The following ZW10 variants were observed in gnomAD, a reference collection of about 807,000 sequenced individuals.
ZW10 encodes zw10 kinetochore protein, also known as centromere/kinetochore protein zw10 homolog.
A neutral mutation model predicts 87.8 loss-of-function variants in ZW10; 53 were observed. The observed-to-expected ratio is 0.60, with a 90% CI of 0.48 to 0.76. ZW10 has a LOEUF of 0.76. ZW10 is among the 30% of genes least tolerant of loss of function. ZW10 has a pLI of 0.00. For synonymous variants in ZW10, 312 were observed against 329.2 expected (o/e 0.95, Z 0.57); for missense variants, 837 against 923.0 (o/e 0.91, Z 1.21).
Position 113,747,575 on chromosome 11 carries a change from C to T in ZW10, c.1228G>A (p.Ala410Thr), listed in dbSNP as rs879576381. The change falls in exon 9 of 16, where the codon GCA becomes ACA. Residue 410 changes from alanine to threonine, a missense_variant. Physicochemically the swap from Ala to Thr is moderately conservative, Grantham distance 58. Coordinates refer to ENST00000200135, the MANE Select transcript of ZW10 (RefSeq NM_004724.4). Reference sequence around the variant, plus strand: ...TCTGAGGTCATTAGATTTCTGGCTGCCACAATCACATCCTGGCACTTTTTG... The same window carrying T: ...TCTGAGGTCATTAGATTTCTGGCTGTCACAATCACATCCTGGCACTTTTTG... ...ANKKCQDVIVAARNLMTSEIH... is the reference protein window; with the variant it reads ...ANKKCQDVIVTARNLMTSEIH... The T allele has an allele frequency of 4.3e-6, 7 of 1,613,560 alleles. No individual in the cohort carries two copies. Among genetic ancestry groups the T allele is most frequent in the Non-Finnish European group, 5.9e-6 (7 of 1,179,670 alleles).
Position 113,762,770 on chromosome 11 carries a change from A to C in ZW10, c.241-1852T>G, listed in dbSNP as rs1298277715. 5.9e-5 allele frequency among the ~76,000 whole-genome samples: 9 copies of C among 152,220 alleles called. No homozygotes were observed. The South Asian group carries it at 1.9e-3, about 32-fold the overall frequency. ...TGACCTCAAGTGATCTGCCTGCCTC[A>C]GCCTCCCAAAGTGCTGGGATTACAG... is the stretch of plus-strand genomic sequence containing the variant. On this transcript the variant is annotated intron_variant, in intron 2 of 15. Coordinates refer to ENST00000200135, the MANE Select transcript of ZW10 (RefSeq NM_004724.4).
chr11:113,751,602 G>A (rs773726899), intron 7 of ZW10, among the ~76,000 whole-genome samples: 5 of 152,168 alleles, frequency 3.3e-5, no homozygotes, highest in South Asian at 4.1e-4. Flanking sequence ...CTGGCTGGGC[G>A]CAGTGGCTCA....
At chr11:113,736,460 C>T (rs1465850388) in intron 15 of ZW10, among the ~76,000 whole-genome samples, 160 bp downstream of exon 15, 3 of 152,130 alleles carry the variant, frequency 2.0e-5, no homozygotes, top group Non-Finnish European at 4.4e-5. Flanking sequence ...ATGAGATCTG[C>T]ATTATGATAG....
intron 2 of ZW10, among the ~76,000 whole-genome samples, chr11:113,766,023 G>GTT (rs1453401708): frequency 6.6e-6 from 1 of 152,204 alleles, no homozygotes; most frequent in African/African-American, 2.4e-5. Context: ...GGCTACTGCT[G>GTT]TAAGTAATAA....
chr11:113,737,730 G>T (rs1001198413), intron 13 of ZW10, 27 bp from the exon 14 acceptor site: 6 of 1,561,466 alleles, frequency 3.8e-6, no homozygotes, highest in Non-Finnish European at 5.2e-6. Context: ...CTATTTACGT[G>T]GAAGAAAGAT....
intron 5 of ZW10, among the ~76,000 whole-genome samples, chr11:113,759,409 C>T (rs1001126796): frequency 2.0e-5 from 3 of 152,096 alleles, no homozygotes; most frequent in African/African-American, 7.2e-5. Flanking sequence ...ACATATGTGT[C>T]TATGTACACA....
chr11:113,735,275 C>T (rs1406110414), intron 15 of ZW10, among the ~76,000 whole-genome samples: 1 of 152,144 alleles, frequency 6.6e-6, no homozygotes, highest in Non-Finnish European at 1.5e-5. Flanking sequence ...AATGATCATT[C>T]TTAGACTGCA....
chr11:113,743,754 T>A (rs755901945), intron 10 of ZW10, 48 bp downstream of exon 10: 10 of 1,370,618 alleles, frequency 7.3e-6, no homozygotes, highest in African/African-American at 1.4e-5. Flanking sequence ...TAGTTAGATA[T>A]GCATTTAACC....
chr11:113,757,835 T>C lies in ZW10; in HGVS notation c.752A>G (p.Tyr251Cys). ...LKSFGQMLLK[Y>C]ILRPLASCPS... ...GCAAGATGCCAGCGGCCTAAGGATA[T>C]ACTTCAGCAGCATCTGACCTGAAAA... The change falls in exon 7 of 16, where the codon TAT becomes TGT. Residue 251 changes from tyrosine (Y) to cysteine (C), a missense_variant. Transcript: ENST00000200135. 6.2e-7 allele frequency: 1 copy of C among 1,604,020 alleles called. No individual in the cohort carries two copies. The highest frequency in any genetic ancestry group is 2.2e-5 in the East Asian group (1 of 44,592).
intron 7 of ZW10, among the ~76,000 whole-genome samples, chr11:113,751,522 C>T (rs1953734168): frequency 6.6e-6 from 1 of 152,042 alleles, no homozygotes; most frequent in Non-Finnish European, 1.5e-5. Flanking sequence ...ATTTTTATTA[C>T]AATGAATAGT....
At position 113,759,598 on chromosome 11, in the gene ZW10, A is replaced by G. The variant is rs1953835171; in HGVS notation, c.580+611T>C. Among the ~76,000 whole-genome samples, 4 of 152,170 alleles carry G rather than the reference A, an allele frequency of 2.6e-5. No homozygotes were observed. In the South Asian group the frequency reaches 8.3e-4, roughly 32 times the overall value. ...TACTCTCAGGGCAAACAACACACCA[A>G]AGAGGGCTCATACCCAGAGGTAGGC... is the stretch of plus-strand genomic sequence containing the variant. On this transcript the variant is annotated intron_variant, in intron 5 of 15. Transcript: ENST00000200135.
chr11:113,759,151 G>A (rs1953831298), intron 5 of ZW10, among the ~76,000 whole-genome samples: 1 of 152,070 alleles, frequency 6.6e-6, no homozygotes, highest in Non-Finnish European at 1.5e-5. Context: ...AACTATGATT[G>A]AGCTACTGCA....
chr11:113,753,722 T>A (rs897505492), intron 7 of ZW10, among the ~76,000 whole-genome samples: 1 of 152,170 alleles, frequency 6.6e-6, no homozygotes, highest in Non-Finnish European at 1.5e-5. Flanking sequence ...GGAGAAAGTT[T>A]GAGTGGTCTG....
intron 10 of ZW10, among the ~76,000 whole-genome samples, chr11:113,742,302 G>T (rs1184167657): frequency 6.6e-6 from 1 of 152,080 alleles, no homozygotes; most frequent in African/African-American, 2.4e-5. Context: ...AACACCTACA[G>T]ATTATTATTA....
At chr11:113,766,520 A>T (rs1346602770) in intron 2 of ZW10, among the ~76,000 whole-genome samples, 3 of 151,180 alleles carry the variant, frequency 2.0e-5, no homozygotes, top group African/African-American at 4.9e-5. Context: ...AAATATTTTT[A>T]AAAATTAGCC....
chr11:113,734,869 G>C (rs899621611), intron 15 of ZW10, among the ~76,000 whole-genome samples: 1 of 151,860 alleles, frequency 6.6e-6, no homozygotes, highest in African/African-American at 2.4e-5. Context: ...GCAAGTTACA[G>C]ATGATTCTAC....
intron 9 of ZW10, among the ~76,000 whole-genome samples, chr11:113,746,495 C>CAAAAAAAAAAAAAAAAAAACAAA (rs1953677667): frequency 4.7e-5 from 5 of 105,340 alleles, no homozygotes; most frequent in African/African-American, 1.2e-4. Flanking sequence ...ACAAAACAGT[C>CAAAAAAAAAAAAAAAAAAACAAA]AAAAAAAAAA....
intron 1 of ZW10, among the ~76,000 whole-genome samples, chr11:113,769,232 T>C (rs1953938498): frequency 6.6e-6 from 1 of 151,032 alleles, no homozygotes; most frequent in East Asian, 1.9e-4. Context: ...CAACTATTAC[T>C]GGTCGATTAA....
At chr11:113,754,181 C>T (rs1204238619) in intron 7 of ZW10, among the ~76,000 whole-genome samples, 2 of 152,106 alleles carry the variant, frequency 1.3e-5, no homozygotes, top group Admixed American at 6.5e-5. Flanking sequence ...GTTCATCAAC[C>T]GTTCCAAAAA....
Sources: allele counts gnomAD v4.1 joint callset (sites outside exome capture counted in the v4.1 genomes callset), GRCh38; gene constraint gnomAD v4.1.1; transcripts MANE v1.5; gene names NCBI Gene and HGNC (gene_info 2026-07-23, HGNC 2026-07-21).